ZMYND12: variants seen among roughly 807,000 people sequenced by gnomAD.
The protein encoded by ZMYND12 is zinc finger MYND domain-containing protein 12.
In ZMYND12, 32 loss-of-function variants were observed where a neutral mutation model predicts 41.7. That is an observed-to-expected ratio of 0.77 (90% CI 0.58 to 1.03). The LOEUF is 1.03. ZMYND12 is among the 50% of genes least tolerant of loss of function. ZMYND12 has a pLI of 0.00. For synonymous variants in ZMYND12, 148 were observed against 164.8 expected (o/e 0.90, Z 0.78); for missense variants, 424 against 438.5 (o/e 0.97, Z 0.30).
intron 6 of ZMYND12, among the ~76,000 whole-genome samples, chr1:42,434,215 CTG>C (rs773420179): frequency 2.6e-5 from 4 of 152,168 alleles, no homozygotes; most frequent in South Asian, 2.1e-4. Flanking sequence ...ACTAGATCCT[CTG>C]TGTCTTTTCA....
chr1:42,437,927 C>T (rs140254146), intron 4 of ZMYND12, among the ~76,000 whole-genome samples: 7 of 152,322 alleles, frequency 4.6e-5, no homozygotes, highest in African/African-American at 1.4e-4. Context: ...CCGCCCATCT[C>T]GGCCTCCCAG....
At chr1:42,434,901 C>T (rs1019848687) in intron 6 of ZMYND12, among the ~76,000 whole-genome samples, 1 of 152,050 alleles carries the variant, frequency 6.6e-6, no homozygotes. Context: ...CCCCCCAGTC[C>T]ATGGAAAAAT....
chr1:42,455,253 T>G (rs1284936264), intron 1 of ZMYND12, among the ~76,000 whole-genome samples: 1 of 152,148 alleles, frequency 6.6e-6, no homozygotes, highest in Admixed American at 6.5e-5. Flanking sequence ...GCTCAAATGT[T>G]TCTTCCACAG....
chr1:42,452,471 G>A (rs897987573), intron 1 of ZMYND12, among the ~76,000 whole-genome samples: 17 of 152,178 alleles, frequency 1.1e-4, no homozygotes, highest in African/African-American at 3.6e-4. Flanking sequence ...GGGAGGCCGA[G>A]GAGGGCGGAT....
intron 2 of ZMYND12, among the ~76,000 whole-genome samples, chr1:42,449,447 TGAG>T (rs1271270594): frequency 6.6e-6 from 1 of 152,196 alleles, no homozygotes; most frequent in Non-Finnish European, 1.5e-5. Flanking sequence ...TAAGTTAGAA[TGAG>T]GCCATTAGGG....
intron 3 of ZMYND12, among the ~76,000 whole-genome samples, chr1:42,440,815 T>C (rs994239115): frequency 2.6e-5 from 4 of 151,984 alleles, no homozygotes; most frequent in Non-Finnish European, 5.9e-5. Context: ...ACTGCAAGCA[T>C]GCACCACCAC....
chr1:42,443,001 A>T (rs748036288), intron 3 of ZMYND12, among the ~76,000 whole-genome samples: 3 of 152,140 alleles, frequency 2.0e-5, no homozygotes, highest in Non-Finnish European at 4.4e-5. Context: ...GAAGCAAATG[A>T]CTCTTAACTA....
At chr1:42,447,113 T>G (rs1643032273) in intron 3 of ZMYND12, among the ~76,000 whole-genome samples, 1 of 152,122 alleles carries the variant, frequency 6.6e-6, no homozygotes, top group African/African-American at 2.4e-5. Flanking sequence ...GAAATGAAAA[T>G]TAAAGTTATT....
Position 42,430,648 on chromosome 1 carries a change from C to A in ZMYND12, c.*88G>T. On this transcript the variant is annotated 3_prime_UTR_variant, in exon 8 of 8. Coordinates refer to ENST00000372565, the MANE Select transcript of ZMYND12 (RefSeq NM_032257.5). ...AGAGGGTGGAAACTTCAGCAGTCTACAGTACCTCAAAGCAGTTGTGCAAGG... is the reference window on the plus strand; with the variant it reads ...AGAGGGTGGAAACTTCAGCAGTCTAAAGTACCTCAAAGCAGTTGTGCAAGG... The A allele has an allele frequency of 1.9e-6, 3 of 1,558,380 alleles. No individual in the cohort carries two copies. The highest frequency in any genetic ancestry group is 2.3e-5 in the South Asian group (2 of 86,132).
At position 42,455,943 on chromosome 1, in the gene ZMYND12, C is replaced by T. The variant is rs1291811412; in HGVS notation, c.55G>A (p.Val19Met). The stretch of plus-strand genomic sequence containing the variant: ...ACCCGCTCGGCTGGGGCTTCGCACA[C>T]CTCACAGCAGAGTCTGCGCCCCTTG... ...VPKGRRLCCE[V>M]CEAPAERVCA... The change falls in exon 1 of 8, where the codon GTG (valine) becomes ATG (methionine). Residue 19 changes from valine to methionine, a missense_variant. Coordinates refer to ENST00000372565, the MANE Select transcript of ZMYND12 (RefSeq NM_032257.5). The T allele has an allele frequency of 6.2e-7, 1 of 1,613,782 alleles. No individual in the cohort carries two copies. The highest frequency in any genetic ancestry group is 1.7e-5 in the Admixed American group (1 of 60,028).
rs16829526 is a variant in ZMYND12, at chr1:42,442,040, C to A, written c.425-2015G>T. 3.3e-5 allele frequency among the ~76,000 whole-genome samples: 5 copies of A among 151,856 alleles called. No homozygotes were observed. The East Asian group carries it at 9.7e-4, about 29-fold the overall frequency. On this transcript the variant is annotated intron_variant, in intron 3 of 7. Transcript: ENST00000372565. ...AATATGGAGGGTGTAGGGACTGTAT[C>A]GGCCTGTGATGCTGGAGCACAAATT... is the stretch of plus-strand genomic sequence containing the variant.
At chr1:42,448,404 T>C (rs537414026) in intron 3 of ZMYND12, 63 bp downstream of exon 3, 477 of 1,444,680 alleles carry the variant, frequency 3.3e-4, no homozygotes, top group Middle Eastern at 2.8e-3. Flanking sequence ...TCTTTGATCA[T>C]TGGTGTGACC....
intron 1 of ZMYND12, among the ~76,000 whole-genome samples, chr1:42,452,768 T>C (rs1312552051): frequency 6.6e-6 from 1 of 152,164 alleles, no homozygotes; most frequent in Non-Finnish European, 1.5e-5. Context: ...TGCTATTCTC[T>C]GAGAATGGTC....
rs1209740501 is a variant in ZMYND12 at position 42,440,002 on chromosome 1, C to T, written c.448G>A (p.Glu150Lys). The T allele has an allele frequency of 6.2e-7, 1 of 1,611,604 alleles. No homozygotes were observed. The highest frequency in any genetic ancestry group is 8.5e-7 in the Non-Finnish European group (1 of 1,179,316). The change falls in exon 4 of 8, where the codon GAA (glutamate) becomes AAA (lysine). Residue 150 changes from glutamate to lysine, a missense_variant. Glu to Lys is a moderately conservative substitution (Grantham distance 56). Coordinates refer to ENST00000372565, the MANE Select transcript of ZMYND12 (RefSeq NM_032257.5). The stretch of plus-strand genomic sequence containing the variant: ...CACTGGGCTTGGAATAGATATTCTT[C>T]AGCCTGAACGATTCGGCCCAGACCT... ...SLGLGRIVQA[E>K]EYLFQAQWTV...
intron 3 of ZMYND12, among the ~76,000 whole-genome samples, chr1:42,443,887 T>A (rs1642995520): frequency 6.6e-6 from 1 of 152,082 alleles, no homozygotes. Context: ...AGACAAAACA[T>A]GAGTGCTGTG....
At chr1:42,444,223 A>G (rs1350994901) in intron 3 of ZMYND12, among the ~76,000 whole-genome samples, 1 of 152,162 alleles carries the variant, frequency 6.6e-6, no homozygotes, top group Non-Finnish European at 1.5e-5. Flanking sequence ...AGAAAAGAGC[A>G]TCCCAGGCAG....
rs184134333 is a variant in ZMYND12 at position 42,456,008 on chromosome 1, G to A, written c.-11C>T. 1.4e-4 allele frequency: 221 copies of A among 1,599,454 alleles called. 2 individuals carry two copies. In the Middle Eastern group the frequency reaches 1.8e-3, roughly 13 times the overall value. ...GTAGATCACATTCATGGTGCAGCCA[G>A]CAGTGCTGGTCTCTAAGACGGTTGC... On this transcript the variant is annotated 5_prime_UTR_variant, in exon 1 of 8. Coordinates refer to ENST00000372565, the MANE Select transcript of ZMYND12 (RefSeq NM_032257.5).
intron 4 of ZMYND12, among the ~76,000 whole-genome samples, chr1:42,437,579 T>C (rs1439610656): frequency 6.6e-6 from 1 of 151,770 alleles, no homozygotes; most frequent in African/African-American, 2.4e-5. Context: ...AGTGGTGCGA[T>C]CTTGGCTCAC....
intron 7 of ZMYND12, chr1:42,432,821 A>G: frequency 3.9e-6 from 1 of 257,836 alleles, no homozygotes; most frequent in Non-Finnish European, 7.2e-6. Context: ...CAGGGAACTC[A>G]GTAACTGAGT....
Sources: allele counts gnomAD v4.1 joint callset (sites outside exome capture counted in the v4.1 genomes callset), GRCh38; gene constraint gnomAD v4.1.1; transcripts MANE v1.5; gene names NCBI Gene and HGNC (gene_info 2026-07-23, HGNC 2026-07-21).